CUX1: variants seen among roughly 807,000 people sequenced by gnomAD.
CUX1 encodes the protein protein CASP.
Under a neutral mutation model 158.8 loss-of-function variants are expected in CUX1, and 31 were observed. The ratio of observed to expected loss-of-function variants is 0.20; its 90% CI spans 0.15 to 0.26. The LOEUF is 0.26. CUX1 is among the 10% of genes least tolerant of loss of function. The pLI, the probability that CUX1 is intolerant of heterozygous loss-of-function variation, is 1.00. For synonymous variants in CUX1, 879 were observed against 862.1 expected (o/e 1.02, Z -0.34); for missense variants, 1,589 against 2,014.6 (o/e 0.79, Z 4.04).
At chr7:102,182,341 C>A (rs551401947) in intron 11 of CUX1, among the ~76,000 whole-genome samples, 1 of 152,340 alleles carries the variant, frequency 6.6e-6, no homozygotes, top group East Asian at 1.9e-4. Context: ...TCCAATGATA[C>A]TTTCTGTAGT....
chr7:102,158,534 C>G (rs1585965547), intron 8 of CUX1, 26 bp from the exon 9 acceptor site: 1 of 1,613,702 alleles, frequency 6.2e-7, no homozygotes. Flanking sequence ...TGTGACTAAC[C>G]TGCTCTCTCC....
At chr7:101,858,764 C>T (rs1178607310) in intron 1 of CUX1, among the ~76,000 whole-genome samples, 4 of 144,326 alleles carry the variant, frequency 2.8e-5, no homozygotes, top group African/African-American at 5.2e-5. Flanking sequence ...CTCCCAGGTT[C>T]GAGAGATTCT....
At chr7:102,124,704 CAGG>C (rs1206109845) in intron 8 of CUX1, among the ~76,000 whole-genome samples, 1 of 151,864 alleles carries the variant, frequency 6.6e-6, no homozygotes, top group Non-Finnish European at 1.5e-5. Flanking sequence ...TATAGGTAGA[CAGG>C]AGGAATAAGT....
chr7:102,075,267 T>A (rs1287747118), intron 4 of CUX1, among the ~76,000 whole-genome samples: 4 of 152,194 alleles, frequency 2.6e-5, no homozygotes, highest in Non-Finnish European at 5.9e-5. Flanking sequence ...CAGTTCACGG[T>A]GGCATGAGTC....
chr7:102,273,257 A>G lies in CUX1; in HGVS notation c.1256-109A>G, dbSNP rs566752778. On this transcript the variant is annotated intron_variant, in intron 14 of 22. Transcript: ENST00000292538. The stretch of plus-strand genomic sequence containing the variant: ...AGGGAATAGCCAGCACTCTCACAGC[A>G]TCCAGGCAGCCCTGCTTCCAGACCG... The G allele has an allele frequency of 7.6e-6, 11 of 1,444,236 alleles. No individual in the cohort carries two copies. The African/African-American group carries it at 1.5e-4, about 20-fold the overall frequency. 89.5% of individuals were successfully genotyped at this position (1,444,236 alleles called of 1,614,324 possible).
intron 1 of CUX1, among the ~76,000 whole-genome samples, chr7:101,850,756 T>C (rs2131265102): frequency 6.6e-6 from 1 of 152,294 alleles, no homozygotes; most frequent in South Asian, 2.1e-4. Context: ...CTTACTGATG[T>C]GTTTTATGAG....
intron 8 of CUX1, among the ~76,000 whole-genome samples, chr7:102,132,219 TGGATGGACAGAC>T (rs1302117209): frequency 6.7e-6 from 1 of 149,060 alleles, no homozygotes; most frequent in East Asian, 2.0e-4. Context: ...GATAGATGGA[TGGATGGACAGAC>T]GGATGGGCAG....
rs183621550 is a variant in CUX1 at position 101,943,792 on chromosome 7, C to G, written c.141+27567C>G. Reference sequence around the variant, plus strand: ...CTCTGCTGTATACCCAGCACACTACCTGCCACTTAGCCATTCCATAAATAT... The same window carrying G: ...CTCTGCTGTATACCCAGCACACTACGTGCCACTTAGCCATTCCATAAATAT... On this transcript the variant is annotated intron_variant, in intron 2 of 23. Transcript: ENST00000292535. Among the ~76,000 whole-genome samples the G allele has an allele frequency of 5.6e-3, 847 of 152,012 alleles. 7 individuals carry two copies. The highest frequency in any genetic ancestry group is 0.019 in the African/African-American group (801 of 41,466).
Position 102,254,324 on chromosome 7 carries a change from A to G in CUX1, c.*5282A>G, listed in dbSNP as rs1789647538. 3 of 985,474 alleles carry G rather than the reference A, an allele frequency of 3.0e-6. No individual in the cohort carries two copies. The highest frequency in any genetic ancestry group is 3.6e-6 in the Non-Finnish European group (3 of 829,978). 61.0% of individuals were successfully genotyped at this position (985,474 alleles called of 1,614,324 possible). ...AAGTTCCCAGCTGGCTTTGGGGAAC[A>G]CTGTAGCTCTTGGGTGTCTCTTGTC... is the stretch of plus-strand genomic sequence containing the variant. On this transcript the variant is annotated 3_prime_UTR_variant, in exon 24 of 24. Transcript: ENST00000292535.
At chr7:102,145,086 TAAAAAAA>T (rs59225537) in intron 8 of CUX1, among the ~76,000 whole-genome samples, 7 of 118,786 alleles carry the variant, frequency 5.9e-5, no homozygotes, top group East Asian at 2.5e-4. Context: ...GACTCCGTCT[TAAAAAAA>T]AAAAAAAAAA....
At chr7:102,058,342 C>T (rs986234619) in intron 3 of CUX1, among the ~76,000 whole-genome samples, 4 of 152,172 alleles carry the variant, frequency 2.6e-5, no homozygotes, top group African/African-American at 9.6e-5. Flanking sequence ...GGCACAATCT[C>T]GGCTCACTGC....
At chr7:102,148,955 A>G (rs1458588008) in intron 8 of CUX1, among the ~76,000 whole-genome samples, 1 of 151,926 alleles carries the variant, frequency 6.6e-6, no homozygotes, top group Non-Finnish European at 1.5e-5. Flanking sequence ...TACTTCACTT[A>G]GAATAATAGT....
rs782346098 is a variant in CUX1 at position 102,201,810 on chromosome 7, C to A, written c.2513C>A (p.Ser838Tyr). ...VQPERRNAAS[S>Y]EEAKAEETGG... ...CCGGAGAGAAGAAATGCCGCCTCCT[C>A]CGAGGAGGCCAAGGCCGAAGAAACG... The change falls in exon 18 of 24, where the codon TCC becomes TAC. Residue 838 changes from serine (S) to tyrosine (Y), a missense_variant. Around this residue, in one of 8 missense-constraint regions of CUX1, gnomAD observed 337 missense variants for 409.3 expected, o/e 0.82. Coordinates refer to ENST00000292535, the MANE Select transcript of CUX1 (RefSeq NM_181552.4). The surrounding 1 kb of genome is among the most constrained non-coding windows in gnomAD (Gnocchi z 5.0). 3.7e-6 allele frequency: 6 copies of A among 1,612,998 alleles called. No individual in the cohort carries two copies. The highest frequency in any genetic ancestry group is 2.2e-5 in the South Asian group (2 of 91,068).
intron 4 of CUX1, among the ~76,000 whole-genome samples, chr7:102,089,996 A>G (rs1585619631): frequency 6.6e-6 from 1 of 152,162 alleles, no homozygotes; most frequent in African/African-American, 2.4e-5. Flanking sequence ...TAGTTGTTTC[A>G]TTGACTTTGC....
chr7:102,037,644 G>C (rs986225981), intron 3 of CUX1, among the ~76,000 whole-genome samples: 1 of 149,914 alleles, frequency 6.7e-6, no homozygotes, highest in African/African-American at 2.5e-5. Context: ...GAGCCACCAC[G>C]CCCGGCCCTG....
chr7:101,817,403 C>T (rs1438363474), upstream of CUX1: 1 of 984,578 alleles, frequency 1.0e-6, no homozygotes, highest in Non-Finnish European at 1.2e-6. The surrounding 1 kb of genome is among the most constrained non-coding windows in gnomAD (Gnocchi z 4.1). Flanking sequence ...AAGCAGAGCC[C>T]CGGGGGCCCG....
intron 4 of CUX1, among the ~76,000 whole-genome samples, chr7:102,089,471 G>A (rs1828296556): frequency 6.6e-6 from 1 of 152,174 alleles, no homozygotes; most frequent in Non-Finnish European, 1.5e-5. Context: ...AGACTTGTTT[G>A]TAGCTTTTTG....
intron 1 of CUX1, among the ~76,000 whole-genome samples, chr7:101,848,987 A>G (rs950671609): frequency 1.3e-5 from 2 of 151,168 alleles, no homozygotes; most frequent in Admixed American, 6.6e-5. Context: ...CGTGACTTAC[A>G]AGTTGGGCCC....
chr7:101,924,135 G>T (rs970920687), intron 2 of CUX1, among the ~76,000 whole-genome samples: 6 of 152,058 alleles, frequency 3.9e-5, no homozygotes, highest in Non-Finnish European at 8.8e-5. Flanking sequence ...AGGAAGCCAC[G>T]CACCTGATGC....
Sources: allele counts gnomAD v4.1 joint callset (sites outside exome capture counted in the v4.1 genomes callset), GRCh38; gene constraint gnomAD v4.1.1; regional missense constraint gnomAD v4.1.1; non-coding constraint Gnocchi (gnomAD v3.1); transcripts MANE v1.5; gene names NCBI Gene and HGNC (gene_info 2026-07-23, HGNC 2026-07-21).